Variants in VWC2 observed in about 807,000 individuals in gnomAD.
VWC2 encodes the protein brorin.
VWC2 carries 14 observed loss-of-function variants against 29.8 expected under a neutral mutation model. The ratio of observed to expected loss-of-function variants is 0.47; its 90% CI spans 0.31 to 0.74. The LOEUF is 0.74. VWC2 is among the 30% of genes least tolerant of loss of function. The probability of loss-of-function intolerance (pLI) is 0.05; values close to 1 mark genes in which losing one functional copy is unlikely to be tolerated. For missense variants in VWC2, 457 were observed against 459.8 expected (o/e 0.99, Z 0.05); for synonymous variants, 213 against 199.0 (o/e 1.07, Z -0.59).
intron 3 of VWC2, among the ~76,000 whole-genome samples, chr7:49,828,110 T>A (rs1253109942): frequency 6.6e-6 from 1 of 152,204 alleles, no homozygotes; most frequent in African/African-American, 2.4e-5. Flanking sequence ...ATCATGTAAG[T>A]AGAATCTTAC....
At chr7:49,797,681 T>C (rs1788625579) in intron 2 of VWC2, among the ~76,000 whole-genome samples, 1 of 152,130 alleles carries the variant, frequency 6.6e-6, no homozygotes, top group Non-Finnish European at 1.5e-5. Context: ...GTAGTATTCA[T>C]CTCTCTAGCC....
chr7:49,786,827 GTTAT>G (rs1255426055), intron 2 of VWC2, among the ~76,000 whole-genome samples: 1 of 152,170 alleles, frequency 6.6e-6, no homozygotes, highest in Admixed American at 6.5e-5. Flanking sequence ...TTTTAATGGA[GTTAT>G]TTGTTATTTG....
At chr7:49,887,866 A>T (rs941208347) in intron 3 of VWC2, among the ~76,000 whole-genome samples, 3 of 152,206 alleles carry the variant, frequency 2.0e-5, no homozygotes, top group South Asian at 4.1e-4. Flanking sequence ...ACTGCACTTA[A>T]CCACCAGACT....
At chr7:49,786,029 G>T (rs905175942) in intron 2 of VWC2, among the ~76,000 whole-genome samples, 1 of 152,128 alleles carries the variant, frequency 6.6e-6, no homozygotes, top group Non-Finnish European at 1.5e-5. Flanking sequence ...CAAGGTATTT[G>T]TTACCTGGGT....
chr7:49,898,232 AAC>A (rs1562760176), intron 3 of VWC2, among the ~76,000 whole-genome samples: 2 of 152,008 alleles, frequency 1.3e-5, no homozygotes, highest in African/African-American at 2.4e-5. Context: ...CACACACACA[AAC>A]ACACAGATAT....
At chr7:49,833,609 T>C (rs1789586369) in intron 3 of VWC2, among the ~76,000 whole-genome samples, 1 of 152,214 alleles carries the variant, frequency 6.6e-6, no homozygotes, top group African/African-American at 2.4e-5. Flanking sequence ...CATGCAAATG[T>C]AGTCAAGCTT....
At chr7:49,860,103 A>G (rs1790591353) in intron 3 of VWC2, among the ~76,000 whole-genome samples, 2 of 152,012 alleles carry the variant, frequency 1.3e-5, no homozygotes, top group Non-Finnish European at 1.5e-5. Flanking sequence ...AATTGTGGCA[A>G]AAAAATGACA....
At chr7:49,790,985 C>CA (rs1788452901) in intron 2 of VWC2, among the ~76,000 whole-genome samples, 1 of 152,026 alleles carries the variant, frequency 6.6e-6, no homozygotes, top group Non-Finnish European at 1.5e-5. Context: ...TATTAATGAA[C>CA]ATTTTCTATC....
At chr7:49,780,424 GA>G (rs1468370030) in intron 2 of VWC2, among the ~76,000 whole-genome samples, 2 of 151,796 alleles carry the variant, frequency 1.3e-5, no homozygotes, top group Admixed American at 6.6e-5. Flanking sequence ...TGTGTTAATT[GA>G]AAAAAAATCA....
At chr7:49,882,160 T>C (rs1791694503) in intron 3 of VWC2, among the ~76,000 whole-genome samples, 1 of 152,128 alleles carries the variant, frequency 6.6e-6, no homozygotes, top group East Asian at 1.9e-4. Flanking sequence ...ATAATCAATA[T>C]TTGTTCTCTT....
rs1583829136 is a variant in VWC2, at chr7:49,914,663, A to C, written c.*2478A>C. On this transcript the variant is annotated 3_prime_UTR_variant, in exon 4 of 4. Transcript: ENST00000340652. ...CTTCTTCTTGCAGTTAGACTTTCAC[A>C]AATACATAGCTATCTCAGATTGACA... The C allele has an allele frequency of 6.6e-6, 1 of 152,232 alleles. No individual in the cohort carries two copies. Among genetic ancestry groups the C allele is most frequent in the South Asian group, 2.1e-4 (1 of 4,832 alleles). 9.4% of individuals were successfully genotyped at this position (152,232 alleles called of 1,614,324 possible).
intron 3 of VWC2, among the ~76,000 whole-genome samples, chr7:49,858,708 T>TA (rs150250284): frequency 3.3e-5 from 5 of 151,518 alleles, no homozygotes; most frequent in Admixed American, 2.6e-4. Flanking sequence ...ATAATAATAA[T>TA]AAAAAAAAGA....
chr7:49,843,434 A>C (rs1789846637), intron 3 of VWC2, among the ~76,000 whole-genome samples: 1 of 152,206 alleles, frequency 6.6e-6, no homozygotes, highest in Admixed American at 6.5e-5. Flanking sequence ...ATATGTGCCA[A>C]TTTCTTATTC....
At chr7:49,788,811 C>T (rs1329911575) in intron 2 of VWC2, among the ~76,000 whole-genome samples, 7 of 119,116 alleles carry the variant, frequency 5.9e-5, no homozygotes, top group South Asian at 3.0e-4. Flanking sequence ...TGTGTGGGTG[C>T]GTGTGAGAGT....
At chr7:49,888,708 C>T (rs1159377751) in intron 3 of VWC2, among the ~76,000 whole-genome samples, 2 of 152,036 alleles carry the variant, frequency 1.3e-5, no homozygotes, top group African/African-American at 2.4e-5. Context: ...GTCAGGAGTT[C>T]TAGATTAGCC....
chr7:49,855,865 A>G (rs886537253), intron 3 of VWC2, among the ~76,000 whole-genome samples: 3 of 152,108 alleles, frequency 2.0e-5, no homozygotes, highest in South Asian at 4.1e-4. Flanking sequence ...GCTGATTCCC[A>G]GGGATTTGGT....
rs1562743812 is a variant in VWC2 at position 49,871,954 on chromosome 7, CA to C, written c.827-40079del. On this transcript the variant is annotated intron_variant, in intron 3 of 3. Coordinates refer to ENST00000340652, the MANE Select transcript of VWC2 (RefSeq NM_198570.5). ...ACACACACACACACACACACACACA[CA>C]CACCGAGAAAGAGAGGGAGGGAGGG... Among the ~76,000 whole-genome samples, 8 of 65,938 alleles carry C rather than the reference CA, an allele frequency of 1.2e-4. No individual in the cohort carries two copies. In the East Asian group the frequency reaches 1.4e-3, roughly 12 times the overall value. The allele number at this position is 65,938 out of a possible 152,430, so 43.3% of individuals were successfully genotyped here.
At position 49,921,074 on chromosome 7, in the gene VWC2, T is replaced by C. The variant is rs1793996334; in HGVS notation, c.*8889T>C. ...TTTACCTAACAACTGTAACCACTAA[T>C]AAATCATCAGTCACCACCTTTCCTG... On this transcript the variant is annotated 3_prime_UTR_variant, in exon 4 of 4. Coordinates refer to ENST00000340652, the MANE Select transcript of VWC2 (RefSeq NM_198570.5). The C allele has an allele frequency of 6.6e-6, 1 of 152,230 alleles. No homozygotes were observed. The highest frequency in any genetic ancestry group is 1.9e-4 in the East Asian group (1 of 5,194). 9.4% of individuals were successfully genotyped at this position (152,230 alleles called of 1,614,324 possible). A position where few individuals can be genotyped will look rare whatever the true frequency, so the allele number is the denominator to read the frequency against.
chr7:49,784,114 A>C (rs1003098401), intron 2 of VWC2, among the ~76,000 whole-genome samples: 10 of 152,200 alleles, frequency 6.6e-5, no homozygotes, highest in African/African-American at 2.4e-4. Flanking sequence ...TAAAAGAAAA[A>C]TGTTATTTGT....
Sources: allele counts gnomAD v4.1 joint callset (sites outside exome capture counted in the v4.1 genomes callset), GRCh38; gene constraint gnomAD v4.1.1; transcripts MANE v1.5; gene names NCBI Gene and HGNC (gene_info 2026-07-23, HGNC 2026-07-21).